SLC5A11: variants seen among roughly 807,000 people sequenced by gnomAD.
The protein encoded by SLC5A11 is solute carrier family 5 member 11.
A neutral mutation model predicts 69.8 loss-of-function variants in SLC5A11; 48 were observed. That is an observed-to-expected ratio of 0.69 (90% CI 0.55 to 0.87). The LOEUF (loss-of-function observed/expected upper bound fraction) is 0.87. Ranked by LOEUF, SLC5A11 falls within the 40% of genes least tolerant of loss-of-function variation. The pLI is 0.00. For synonymous variants in SLC5A11, 319 were observed against 342.4 expected (o/e 0.93, Z 0.75); for missense variants, 784 against 866.1 (o/e 0.91, Z 1.19).
chr16:24,898,093 C>T (rs372688531), exon 10 of SLC5A11: 14 of 1,614,030 alleles, frequency 8.7e-6, no homozygotes, highest in Non-Finnish European at 1.2e-5. Flanking sequence ...GGATGGTCAG[C>T]CGCATCCTCT....
At chr16:24,852,338 G>A (rs1235759574) in intron 1 of SLC5A11, among the ~76,000 whole-genome samples, 1 of 152,120 alleles carries the variant, frequency 6.6e-6, no homozygotes, top group South Asian at 2.1e-4. Context: ...ACATCTCCTG[G>A]GGCGTGGAAA....
chr16:24,895,437 A>G (rs758763556), intron 9 of SLC5A11, among the ~76,000 whole-genome samples: 1 of 151,886 alleles, frequency 6.6e-6, no homozygotes, highest in Non-Finnish European at 1.5e-5. Context: ...TGCAGTGAGC[A>G]GAGATCCCAG....
intron 10 of SLC5A11, among the ~76,000 whole-genome samples, chr16:24,901,956 A>ACACACACACACG (rs1393594765): frequency 7.3e-5 from 7 of 95,840 alleles, no homozygotes; most frequent in African/African-American, 2.1e-4. Flanking sequence ...ACACACACAC[A>ACACACACACACG]CGCACACACA....
At chr16:24,858,109 CA>C (rs1456606396) in intron 1 of SLC5A11, among the ~76,000 whole-genome samples, 1 of 152,144 alleles carries the variant, frequency 6.6e-6, no homozygotes, top group Non-Finnish European at 1.5e-5. Context: ...GGTTAGTAAA[CA>C]CTTAGAATGA....
In SLC5A11 at chr16:24,847,133, CTCTT is replaced by C. The variant is rs572883438; in HGVS notation, c.-25+705_-25+708del. ...CTTTTTCTTTCCTTTCTTTCTTTTTCTCTTTCTTTCTTTTTCTTTCTTTTCCTTT... is the reference window on the plus strand; with the variant it reads ...CTTTTTCTTTCCTTTCTTTCTTTTTCTCTTTCTTTTTCTTTCTTTTCCTTT... On this transcript the variant is annotated intron_variant, in intron 1 of 15. Coordinates refer to ENST00000347898, the Ensembl canonical transcript of SLC5A11. Among the ~76,000 whole-genome samples the C allele has an allele frequency of 2.8e-3, 421 of 152,080 alleles. 4 individuals are homozygous for C. The highest frequency in any genetic ancestry group is 9.6e-3 in the African/African-American group (400 of 41,486).
chr16:24,911,186 A>AAAG, intron 15 of SLC5A11, 142 bp from the exon 17 acceptor site: 1 of 677,194 alleles, frequency 1.5e-6, no homozygotes, highest in Non-Finnish European at 2.5e-6. Context: ...AAAAAAAAAA[A>AAAG]GGGAGATTTC....
chr16:24,907,139 C>G (rs767889770), exon 12 of SLC5A11: 18 of 1,614,034 alleles, frequency 1.1e-5, no homozygotes, highest in Admixed American at 3.3e-5. Flanking sequence ...CACCTCCGGC[C>G]TCGGGCATCT....
In SLC5A11 at chr16:24,873,240, A is replaced by G. The variant is rs532509956; in HGVS notation, c.372+1021A>G. On this transcript the variant is annotated intron_variant, in intron 5 of 15. Transcript: ENST00000347898. ...AAGAGAGAAAGGAAGGAATGGAGAG[A>G]GGGAGGGAGGAAGGAAGGAAGGAAG... Among the ~76,000 whole-genome samples, 80 of 126,100 alleles carry G rather than the reference A, an allele frequency of 6.3e-4. 1 individual carries two copies. Among genetic ancestry groups the G allele is most frequent in the African/African-American group, 2.3e-3 (76 of 33,062 alleles). 82.7% of individuals were successfully genotyped at this position (126,100 alleles called of 152,430 possible).
intron 1 of SLC5A11, among the ~76,000 whole-genome samples, chr16:24,849,860 G>A (rs2059223224): frequency 6.6e-6 from 1 of 151,698 alleles, no homozygotes. Flanking sequence ...GATACCTGAA[G>A]CCGTGGCTCT....
chr16:24,903,837 A>G (rs1157541231), intron 10 of SLC5A11, among the ~76,000 whole-genome samples: 1 of 152,118 alleles, frequency 6.6e-6, no homozygotes, highest in Non-Finnish European at 1.5e-5. Flanking sequence ...GCAGGTATCC[A>G]TTTGCTATAT....
intron 2 of SLC5A11, among the ~76,000 whole-genome samples, chr16:24,861,108 C>T (rs2059753043): frequency 6.6e-6 from 1 of 152,132 alleles, no homozygotes; most frequent in South Asian, 2.1e-4. Flanking sequence ...GGCTTCATAT[C>T]TTTTGCCTTA....
chr16:24,885,635 A>G (rs1208855505), intron 8 of SLC5A11, among the ~76,000 whole-genome samples: 1 of 116,874 alleles, frequency 8.6e-6, no homozygotes, highest in African/African-American at 3.3e-5. Context: ...TCTCGCTTTG[A>G]GACAGAGTGA....
intron 8 of SLC5A11, among the ~76,000 whole-genome samples, chr16:24,885,656 CAAAAAAAAAAAAAA>C (rs748412604): frequency 1.5e-5 from 1 of 65,928 alleles, no homozygotes; most frequent in Non-Finnish European, 2.6e-5. Context: ...GACCCTGTCT[CAAAAAAAAAAAAAA>C]AAAAAAAAAA....
intron 15 of SLC5A11, among the ~76,000 whole-genome samples, chr16:24,911,125 C>T (rs865789570): frequency 2.7e-5 from 4 of 147,856 alleles, no homozygotes; most frequent in Admixed American, 6.8e-5. Flanking sequence ...GCCGAGATCA[C>T]GCCACTGCAC....
rs565411376 is a variant in SLC5A11 at position 24,891,839 on chromosome 16, T to A, written c.870+765T>A. On this transcript the variant is annotated intron_variant, in intron 9 of 15. Coordinates refer to ENST00000347898, the Ensembl canonical transcript of SLC5A11. ...GGAGCTTCCCTTCTTCTAATGGGAG[T>A]AGACGGAGATAATAAGTAAATTATG... is the stretch of plus-strand genomic sequence containing the variant. 2.6e-5 allele frequency among the ~76,000 whole-genome samples: 4 copies of A among 151,608 alleles called. No homozygotes were observed. In the South Asian group the frequency reaches 8.3e-4, roughly 32 times the overall value.
chr16:24,853,034 G>A (rs1343722616), intron 1 of SLC5A11, among the ~76,000 whole-genome samples: 2 of 148,962 alleles, frequency 1.3e-5, no homozygotes, highest in African/African-American at 4.9e-5. Context: ...TGCACAGCCG[G>A]TGCCTAATAA....
At chr16:24,904,077 A>C (rs1394815134) in intron 10 of SLC5A11, among the ~76,000 whole-genome samples, 1 of 152,216 alleles carries the variant, frequency 6.6e-6, no homozygotes, top group Non-Finnish European at 1.5e-5. Context: ...CCAGACGTTT[A>C]TAAAACCATC....
chr16:24,847,530 AT>A (rs1044097376), intron 1 of SLC5A11, among the ~76,000 whole-genome samples: 2 of 151,110 alleles, frequency 1.3e-5, no homozygotes, highest in African/African-American at 4.9e-5. Flanking sequence ...TTTTATTTTT[AT>A]TTTTTGTACA....
chr16:24,870,055 G>A (rs1432630372), intron 4 of SLC5A11, 50 bp downstream of exon 5: 1 of 1,316,636 alleles, frequency 7.6e-7, no homozygotes, highest in African/African-American at 1.4e-5. Flanking sequence ...TACCTAACAG[G>A]TAGATCTCAG....
Sources: allele counts gnomAD v4.1 joint callset (sites outside exome capture counted in the v4.1 genomes callset), GRCh38; gene constraint gnomAD v4.1.1; transcripts MANE v1.5; gene names NCBI Gene and HGNC (gene_info 2026-07-23, HGNC 2026-07-21).